The following RAD51B variants were observed in gnomAD, a reference collection of about 807,000 sequenced individuals.
RAD51B encodes the protein RAD51 paralog B.
In RAD51B, 38 loss-of-function variants were observed where a neutral mutation model predicts 42.2. The observed-to-expected ratio is 0.90, with a 90% CI of 0.70 to 1.18. RAD51B has a LOEUF of 1.18. RAD51B is among the 50% of genes most tolerant of loss of function. The pLI, the probability that RAD51B is intolerant of heterozygous loss-of-function variation, is 0.00. For missense variants in RAD51B, 373 were observed against 400.7 expected (o/e 0.93, Z 0.59); for synonymous variants, 154 against 145.2 (o/e 1.06, Z -0.43).
chr14:68,478,430 C>A (rs1365272507), downstream of RAD51B, among the ~76,000 whole-genome samples: 1 of 152,182 alleles, frequency 6.6e-6, no homozygotes, highest in African/African-American at 2.4e-5. Flanking sequence ...GATTTAAAGC[C>A]CAAAGCTGGG....
chr14:67,967,805 A>C (rs537330358), intron 7 of RAD51B, among the ~76,000 whole-genome samples: 1 of 152,210 alleles, frequency 6.6e-6, no homozygotes, highest in East Asian at 1.9e-4. Flanking sequence ...CGGTGGATCT[A>C]CCATTCTAGG....
intron 7 of RAD51B, chr14:68,069,635 A>ATAGTAT (rs2140461726): frequency 1.3e-5 from 2 of 152,290 alleles, no homozygotes; most frequent in Middle Eastern, 6.8e-3. Context: ...TAATAGCTGC[A>ATAGTAT]TAGTATTCCA....
chr14:68,214,014 T>C (rs1331017774), intron 7 of RAD51B, among the ~76,000 whole-genome samples: 1 of 152,160 alleles, frequency 6.6e-6, no homozygotes, highest in Non-Finnish European at 1.5e-5. Context: ...AGTAAAACCA[T>C]ATTAGAGAAT....
At chr14:67,887,372 A>T (rs1056785178) in intron 7 of RAD51B, 168 bp downstream of exon 7, 15 of 509,502 alleles carry the variant, frequency 2.9e-5, no homozygotes, top group Non-Finnish European at 4.5e-5. Flanking sequence ...CATCATCTTA[A>T]ATTAGCTCAT....
chr14:68,520,214 G>A (rs1009882481), intron 10 of RAD51B, among the ~76,000 whole-genome samples: 8 of 152,216 alleles, frequency 5.3e-5, no homozygotes, highest in Admixed American at 2.0e-4. Flanking sequence ...GGCAACTGGG[G>A]TAGTGACATA....
intron 10 of RAD51B, among the ~76,000 whole-genome samples, chr14:68,483,255 T>C (rs1311537283): frequency 6.6e-6 from 1 of 152,248 alleles, no homozygotes; most frequent in African/African-American, 2.4e-5. Context: ...CTATACCCAG[T>C]GGGCTTGCAA....
At chr14:68,377,948 T>C (rs1191677932) in intron 8 of RAD51B, among the ~76,000 whole-genome samples, 1 of 152,204 alleles carries the variant, frequency 6.6e-6, no homozygotes, top group African/African-American at 2.4e-5. Context: ...GACAATACTT[T>C]GCAATTAAAA....
rs112091828 is a variant in RAD51B at position 68,627,923 on chromosome 14, T to A, written c.1037-22858T>A. 1.4e-3 allele frequency among the ~76,000 whole-genome samples: 214 copies of A among 151,846 alleles called. No homozygotes were observed. The East Asian group carries it at 0.023, about 17-fold the overall frequency. ...TATTTAGCTATTCAGTTATTTTTTTTTAAATAAACACCATCCAGTCAGCCC... is the reference window on the plus strand; with the variant it reads ...TATTTAGCTATTCAGTTATTTTTTTATAAATAAACACCATCCAGTCAGCCC... On this transcript the variant is annotated intron_variant, in intron 10 of 11. Transcript: ENST00000488612.
chr14:68,369,494 C>T (rs2083208673), intron 8 of RAD51B, among the ~76,000 whole-genome samples: 1 of 152,216 alleles, frequency 6.6e-6, no homozygotes, highest in South Asian at 2.1e-4. Flanking sequence ...ACCATGGTTT[C>T]TTCCTGGGTA....
chr14:67,861,037 T>A (rs960409532), intron 4 of RAD51B, among the ~76,000 whole-genome samples: 1 of 150,930 alleles, frequency 6.6e-6, no homozygotes, highest in African/African-American at 2.4e-5. Flanking sequence ...CTACAAAAAA[T>A]AAAAAATTAC....
At chr14:68,109,758 A>T (rs1019690612) in intron 7 of RAD51B, among the ~76,000 whole-genome samples, 1 of 152,004 alleles carries the variant, frequency 6.6e-6, no homozygotes, top group Non-Finnish European at 1.5e-5. Flanking sequence ...AAGAGTGGGC[A>T]GCAGTACTTG....
chr14:68,205,766 T>G (rs984800842), intron 7 of RAD51B, among the ~76,000 whole-genome samples: 2 of 152,214 alleles, frequency 1.3e-5, no homozygotes, highest in African/African-American at 2.4e-5. Context: ...TGCATATATA[T>G]GTATAATATT....
chr14:67,985,611 T>C (rs1480808041), intron 7 of RAD51B, among the ~76,000 whole-genome samples: 1 of 152,078 alleles, frequency 6.6e-6, no homozygotes, highest in Non-Finnish European at 1.5e-5. Flanking sequence ...CGGACAGCTT[T>C]GAAAAGTAAA....
intron 7 of RAD51B, among the ~76,000 whole-genome samples, chr14:68,165,602 T>C (rs980773177): frequency 1.8e-4 from 27 of 152,176 alleles, no homozygotes; most frequent in African/African-American, 6.3e-4. Flanking sequence ...TGAAACAGAC[T>C]CATTATTTCA....
At chr14:68,189,180 A>G (rs999597087) in intron 7 of RAD51B, among the ~76,000 whole-genome samples, 1 of 152,126 alleles carries the variant, frequency 6.6e-6, no homozygotes, top group Non-Finnish European at 1.5e-5. Flanking sequence ...TACACAAATC[A>G]TAAGTATACA....
rs148571345 is a variant in RAD51B, at chr14:67,942,470, T to C, written c.756+55266T>C. On this transcript the variant is annotated intron_variant, in intron 7 of 10. Coordinates refer to ENST00000471583, the MANE Select transcript of RAD51B (RefSeq NM_133510.4). ...ACCCTAAGGATTGATACCAAGATCA[T>C]GCTTGTTTAGTGTTTTAATGACTCC... Among the ~76,000 whole-genome samples, 351 of 152,310 alleles carry C rather than the reference T, an allele frequency of 2.3e-3. 1 individual carries two copies. The highest frequency in any genetic ancestry group is 8.2e-3 in the African/African-American group (340 of 41,566).
At chr14:67,919,287 T>C (rs1375509182) in intron 7 of RAD51B, among the ~76,000 whole-genome samples, 2 of 152,122 alleles carry the variant, frequency 1.3e-5, no homozygotes, top group African/African-American at 4.8e-5. Context: ...AGAATATGCC[T>C]CCCCAAAATG....
intron 7 of RAD51B, among the ~76,000 whole-genome samples, chr14:67,892,773 G>C (rs1475946910): frequency 6.6e-6 from 1 of 152,234 alleles, no homozygotes. Flanking sequence ...CATGCCTAGT[G>C]ACTGACCCTC....
chr14:67,909,694 A>AT (rs891151598), intron 7 of RAD51B, among the ~76,000 whole-genome samples: 3 of 152,078 alleles, frequency 2.0e-5, no homozygotes, highest in Admixed American at 2.0e-4. Context: ...TTTGTTTTGG[A>AT]TTTTTTGAGA....
Sources: gnomAD v4.1 joint callset for allele counts (sites outside exome capture counted in the v4.1 genomes callset) on GRCh38, gnomAD v4.1.1 for gene constraint, MANE v1.5 for transcripts, NCBI Gene and HGNC (gene_info 2026-07-23, HGNC 2026-07-21) for gene names.